The following C12orf42 variants were observed in gnomAD, a reference collection of about 807,000 sequenced individuals.
C12orf42 encodes the protein chromosome 12 open reading frame 42.
A neutral mutation model predicts 21.6 loss-of-function variants in C12orf42; 25 were observed. That is an observed-to-expected ratio of 1.16 (90% CI 0.84 to 1.62). The LOEUF (loss-of-function observed/expected upper bound fraction) is 1.62, where lower values mean the gene tolerates loss of function less well. Ranked by LOEUF, C12orf42 falls within the 40% of genes most tolerant of loss-of-function variation. C12orf42 has a pLI of 0.00. For missense variants in C12orf42, 483 were observed against 459.3 expected (o/e 1.05, Z -0.47); for synonymous variants, 174 against 175.0 (o/e 0.99, Z 0.05).
At chr12:103,165,254 T>C in the C12orf42 span, among the ~76,000 whole-genome samples, 6 of 152,230 alleles carry the variant, frequency 3.9e-5, no homozygotes, top group African/African-American at 1.4e-4. Flanking sequence ...TTGCATTCTT[T>C]ATCCGCATAA....
At chr12:103,169,816 G>C in the C12orf42 span, among the ~76,000 whole-genome samples, 115 of 152,176 alleles carry the variant, frequency 7.6e-4, 3 homozygotes, top group Non-Finnish European at 1.5e-4. Flanking sequence ...ATGAGTAAAG[G>C]TGAATGTGCA....
At chr12:103,556,633 G>A in the C12orf42 span, among the ~76,000 whole-genome samples, 3 of 152,294 alleles carry the variant, frequency 2.0e-5, no homozygotes, top group African/African-American at 7.2e-5. Flanking sequence ...ACATTTAGAT[G>A]AGTATTCTTG....
chr12:103,225,405 G>T, the C12orf42 span, among the ~76,000 whole-genome samples: 2 of 152,162 alleles, frequency 1.3e-5, no homozygotes, highest in Non-Finnish European at 1.5e-5. Flanking sequence ...TTTTTAAAGC[G>T]TGTTGCGGGA....
At position 103,309,867 on chromosome 12, in the gene C12orf42, C is replaced by T. The variant is rs536575963; in HGVS notation, c.260-3522G>A. 5.9e-5 allele frequency among the ~76,000 whole-genome samples: 9 copies of T among 152,290 alleles called. No homozygotes were observed. The East Asian group carries it at 7.7e-4, about 13-fold the overall frequency. On this transcript the variant is annotated intron_variant, in intron 4 of 5. Transcript: ENST00000548883. ...AGCCCTCCTGAGCCACAGCTTTGTC[C>T]GAGAGTGGAGACCAAAGCAAATGCC...
intron 5 of C12orf42, chr12:103,273,947 C>T: frequency 2.2e-6 from 1 of 455,934 alleles, no homozygotes; most frequent in Non-Finnish European, 4.4e-6. Flanking sequence ...ACAGTAAGTA[C>T]TCAGTGTGCT....
At chr12:103,499,972 A>C (rs1403523174), upstream of C12orf42, among the ~76,000 whole-genome samples, 2 of 152,238 alleles carry the variant, frequency 1.3e-5, no homozygotes, top group African/African-American at 4.8e-5. Flanking sequence ...AGAGATTTTG[A>C]AAACAGAATC....
At chr12:103,507,222 A>ATATATATTTATATTATATATATAAT in the C12orf42 span, among the ~76,000 whole-genome samples, 20 of 36,948 alleles carry the variant, frequency 5.4e-4, no homozygotes, top group South Asian at 1.3e-3. Flanking sequence ...ATAATATATA[A>ATATATATTTATATTATATATATAAT]ATATAAATAT....
chr12:103,274,021 C>T (rs1593257391), intron 5 of C12orf42: 1 of 440,588 alleles, frequency 2.3e-6, no homozygotes, highest in African/African-American at 2.0e-5. Context: ...TTTTTAGTTC[C>T]TCTCTGCCTT....
At chr12:103,139,082 A>G in the C12orf42 span, among the ~76,000 whole-genome samples, 3 of 152,184 alleles carry the variant, frequency 2.0e-5, no homozygotes, top group Non-Finnish European at 4.4e-5. Flanking sequence ...TAAGTATCAT[A>G]ATTGAATATC....
At chr12:103,348,526 T>G (rs2042832739) in intron 4 of C12orf42, among the ~76,000 whole-genome samples, 1 of 152,206 alleles carries the variant, frequency 6.6e-6, no homozygotes, top group Admixed American at 6.5e-5. Flanking sequence ...GAGATACTGC[T>G]GTTCAAAGAT....
At chr12:103,226,591 G>A in the C12orf42 span, among the ~76,000 whole-genome samples, 61 of 152,286 alleles carry the variant, frequency 4.0e-4, no homozygotes, top group East Asian at 0.011. Flanking sequence ...AGAGTAAATT[G>A]CTGGGCAGGT....
chr12:103,550,316 G>T, the C12orf42 span: 1 of 152,086 alleles, frequency 6.6e-6, no homozygotes, highest in East Asian at 1.9e-4. Context: ...TAAGTTTTGA[G>T]TGGTAACTTT....
At chr12:103,241,878 A>T (rs778904412) in intron 10 of C12orf42, among the ~76,000 whole-genome samples, 2 of 152,194 alleles carry the variant, frequency 1.3e-5, no homozygotes, top group Non-Finnish European at 2.9e-5. Flanking sequence ...CTGTGTTATT[A>T]GTCTTTTTCA....
chr12:103,221,254 C>T, the C12orf42 span, among the ~76,000 whole-genome samples: 1 of 152,106 alleles, frequency 6.6e-6, no homozygotes, highest in Non-Finnish European at 1.5e-5. Flanking sequence ...TTTTATGCCA[C>T]CATTTTTTTT....
At chr12:103,408,094 T>G (rs1479808981) in intron 2 of C12orf42, among the ~76,000 whole-genome samples, 1 of 152,172 alleles carries the variant, frequency 6.6e-6, no homozygotes, top group Non-Finnish European at 1.5e-5. Context: ...CCTCTTCCTA[T>G]CCCCTTGGCT....
intron 2 of C12orf42, among the ~76,000 whole-genome samples, chr12:103,459,584 C>G (rs1337417938): frequency 6.6e-6 from 1 of 152,166 alleles, no homozygotes; most frequent in Non-Finnish European, 1.5e-5. Context: ...TTCCTGTACA[C>G]CCTTCAGAAC....
At chr12:103,070,515 TACACACACACACACAC>T in the C12orf42 span, among the ~76,000 whole-genome samples, 2 of 120,052 alleles carry the variant, frequency 1.7e-5, no homozygotes, top group African/African-American at 5.4e-5. Flanking sequence ...TACATACACA[TACACACACACACACAC>T]ACACACACAC....
At chr12:103,197,917 G>T in the C12orf42 span, among the ~76,000 whole-genome samples, 1 of 152,176 alleles carries the variant, frequency 6.6e-6, no homozygotes, top group Admixed American at 6.5e-5. Flanking sequence ...GCCCCTTAAG[G>T]TTGAGCACCT....
intron 2 of C12orf42, among the ~76,000 whole-genome samples, chr12:103,409,286 G>A (rs550518409): frequency 6.6e-6 from 1 of 152,136 alleles, no homozygotes; most frequent in African/African-American, 2.4e-5. Flanking sequence ...ACTGCACACA[G>A]AAGCATCAAA....
Sources: allele counts gnomAD v4.1 joint callset (sites outside exome capture counted in the v4.1 genomes callset), GRCh38; gene constraint gnomAD v4.1.1; transcripts MANE v1.5; gene names NCBI Gene and HGNC (gene_info 2026-07-23, HGNC 2026-07-21).